MAP3K7CL: variants seen among roughly 807,000 people sequenced by gnomAD.
MAP3K7CL encodes MAP3K7 C-terminal-like protein.
MAP3K7CL carries 16 observed loss-of-function variants against 18.6 expected under a neutral mutation model. The observed-to-expected ratio is 0.86, with a 90% CI of 0.58 to 1.31. The LOEUF is 1.31. Ranked by LOEUF, MAP3K7CL falls within the 50% of genes most tolerant of loss-of-function variation. MAP3K7CL has a pLI of 0.00. For synonymous variants in MAP3K7CL, 65 were observed against 66.8 expected, an observed-to-expected ratio of 0.97 and a Z score of 0.13; for missense variants, 163 against 174.4, an observed-to-expected ratio of 0.93 and a Z score of 0.37.
chr21:29,171,587 G>A (rs902530163), intron 4 of MAP3K7CL, among the ~76,000 whole-genome samples: 24 of 152,016 alleles, frequency 1.6e-4, no homozygotes, highest in African/African-American at 4.6e-4. Flanking sequence ...AGGCTGAGGC[G>A]GGAGGATCAC....
At chr21:29,133,526 A>C (rs917762961) in intron 2 of MAP3K7CL, 112 bp downstream of exon 2, 4 of 629,386 alleles carry the variant, frequency 6.4e-6, no homozygotes, top group Non-Finnish European at 1.0e-5. Context: ...GCATGACCTG[A>C]TGATGGGGAA....
intron 1 of MAP3K7CL, chr21:29,131,288 T>C (rs1273085091): frequency 6.6e-6 from 1 of 152,208 alleles, no homozygotes; most frequent in African/African-American, 2.4e-5. Flanking sequence ...TGCGGGAAAG[T>C]GTTGGGGGAT....
chr21:29,156,424 G>A (rs2087405940), intron 3 of MAP3K7CL, among the ~76,000 whole-genome samples: 1 of 152,136 alleles, frequency 6.6e-6, no homozygotes, highest in Admixed American at 6.5e-5. Flanking sequence ...ATTCATGAGT[G>A]CCAGTGTTTT....
At chr21:29,085,967 C>T in intron 1 of MAP3K7CL, 1 of 1,596,298 alleles carries the variant, frequency 6.3e-7, no homozygotes, top group East Asian at 2.2e-5. Context: ...CGACTATAAT[C>T]CTGTTTTCAG....
At chr21:29,097,466 A>G (rs1027757840) in intron 4 of MAP3K7CL, among the ~76,000 whole-genome samples, 3 of 152,194 alleles carry the variant, frequency 2.0e-5, no homozygotes, top group African/African-American at 7.2e-5. Flanking sequence ...AATTTATTTT[A>G]AATTTTATTA....
intron 4 of MAP3K7CL, among the ~76,000 whole-genome samples, chr21:29,168,510 G>A (rs1008932241): frequency 6.6e-6 from 1 of 152,142 alleles, no homozygotes; most frequent in Non-Finnish European, 1.5e-5. Flanking sequence ...AGGTTTTTGT[G>A]AAATTTCAGT....
upstream of MAP3K7CL, among the ~76,000 whole-genome samples, chr21:29,129,100 A>G (rs946950495): frequency 6.6e-6 from 1 of 152,194 alleles, no homozygotes; most frequent in African/African-American, 2.4e-5. Flanking sequence ...AGTAAAATGT[A>G]TGGAATTCCC....
chr21:29,086,453 T>C (rs1352075314), intron 1 of MAP3K7CL, among the ~76,000 whole-genome samples: 1 of 152,292 alleles, frequency 6.6e-6, no homozygotes, highest in Middle Eastern at 3.4e-3. Context: ...GAAAGTCCGC[T>C]TACCTGATGA....
chr21:29,092,929 A>T (rs943967029), intron 4 of MAP3K7CL, among the ~76,000 whole-genome samples: 3 of 152,152 alleles, frequency 2.0e-5, no homozygotes, highest in African/African-American at 7.2e-5. Flanking sequence ...TTTGAGAAGG[A>T]GTCTCTCTCT....
chr21:29,149,548 G>T (rs1001839061), intron 3 of MAP3K7CL, among the ~76,000 whole-genome samples: 2 of 152,140 alleles, frequency 1.3e-5, no homozygotes, highest in Admixed American at 1.3e-4. Flanking sequence ...ACTTCGATAT[G>T]GCTGTCTCTA....
At chr21:29,094,366 C>A (rs1241117239) in intron 4 of MAP3K7CL, among the ~76,000 whole-genome samples, 1 of 152,206 alleles carries the variant, frequency 6.6e-6, no homozygotes, top group Admixed American at 6.5e-5. Context: ...AGTATCGAAA[C>A]ACAGATGGCT....
intron 4 of MAP3K7CL, among the ~76,000 whole-genome samples, chr21:29,106,550 G>A (rs2086326602): frequency 6.6e-6 from 1 of 152,188 alleles, no homozygotes; most frequent in Admixed American, 6.5e-5. Flanking sequence ...ACTTCTCTCA[G>A]TCTGGGGCCC....
chr21:29,168,102 T>C (rs1316104852), intron 4 of MAP3K7CL, among the ~76,000 whole-genome samples: 1 of 152,244 alleles, frequency 6.6e-6, no homozygotes, highest in African/African-American at 2.4e-5. Context: ...ACCTCACTTT[T>C]ATATACCTAA....
At position 29,175,511 on chromosome 21, in the gene MAP3K7CL, T is replaced by C. The variant is rs2087946220; in HGVS notation, c.*619T>C. The C allele has an allele frequency of 6.6e-6, 1 of 152,206 alleles. No individual in the cohort carries two copies. The highest frequency in any genetic ancestry group is 1.5e-5 in the Non-Finnish European group (1 of 68,034). The allele number at this position is 152,206 out of a possible 1,614,324, so 9.4% of individuals were successfully genotyped here. A position where few individuals can be genotyped will look rare whatever the true frequency, so the allele number is the denominator to read the frequency against. ...AAACCATGTTTGTAACCAAAGCACA[T>C]TTGCCAATGCTAACTGGCTGTTGTA... is the stretch of plus-strand genomic sequence containing the variant. On this transcript the variant is annotated 3_prime_UTR_variant, in exon 5 of 5. Coordinates refer to ENST00000399928, the MANE Select transcript of MAP3K7CL (RefSeq NM_001286620.2).
intron 4 of MAP3K7CL, among the ~76,000 whole-genome samples, chr21:29,123,757 G>C (rs1402641927): frequency 6.6e-6 from 1 of 152,164 alleles, no homozygotes; most frequent in African/African-American, 2.4e-5. Context: ...GTGGTTGTTG[G>C]TGTGATGGTG....
chr21:29,152,823 C>T (rs954182030), intron 3 of MAP3K7CL, among the ~76,000 whole-genome samples: 9 of 152,158 alleles, frequency 5.9e-5, no homozygotes, highest in East Asian at 5.8e-4. Context: ...CTTTCCCTTA[C>T]GCTTTTTAAG....
intron 3 of MAP3K7CL, 51 bp downstream of exon 3, chr21:29,149,301 A>G (rs1418856402): frequency 2.6e-6 from 4 of 1,542,012 alleles, no homozygotes; most frequent in South Asian, 1.1e-5. Flanking sequence ...GTCATAAAGT[A>G]TAGCGAGCTG....
chr21:29,088,836 T>G (rs1424650289), intron 1 of MAP3K7CL, among the ~76,000 whole-genome samples: 1 of 152,276 alleles, frequency 6.6e-6, no homozygotes, highest in East Asian at 1.9e-4. Context: ...GGGGTGTGAC[T>G]GTACCTGTGA....
chr21:29,161,833 G>A (rs1363793296), intron 4 of MAP3K7CL, among the ~76,000 whole-genome samples: 3 of 152,208 alleles, frequency 2.0e-5, no homozygotes, highest in Non-Finnish European at 4.4e-5. Context: ...ATGGTGGACA[G>A]TATGGGTTTT....
Sources: allele counts gnomAD v4.1 joint callset (sites outside exome capture counted in the v4.1 genomes callset), GRCh38; gene constraint gnomAD v4.1.1; transcripts MANE v1.5; gene names NCBI Gene and HGNC (gene_info 2026-07-23, HGNC 2026-07-21).